MACROD2: variants seen among roughly 807,000 people sequenced by gnomAD.
MACROD2 encodes the protein ADP-ribose glycohydrolase MACROD2.
MACROD2 carries 36 observed loss-of-function variants against 70.4 expected under a neutral mutation model. The ratio of observed to expected loss-of-function variants is 0.51; its 90% CI spans 0.39 to 0.68. The LOEUF (loss-of-function observed/expected upper bound fraction) is 0.68, where lower values mean the gene tolerates loss of function less well. Among genes scored for constraint, MACROD2 ranks in the 30% least tolerant of loss-of-function variants. MACROD2 has a pLI of 0.00. For synonymous variants in MACROD2, 172 were observed against 178.8 expected (o/e 0.96, Z 0.30); for missense variants, 496 against 538.4 (o/e 0.92, Z 0.78).
chr20:14,607,527 C>T (rs986833522), intron 4 of MACROD2, among the ~76,000 whole-genome samples: 6 of 152,158 alleles, frequency 3.9e-5, no homozygotes, highest in Non-Finnish European at 8.8e-5. Flanking sequence ...TGCTCAATAA[C>T]GAGGATGCAA....
chr20:15,023,989 G>A (rs2075210500), intron 5 of MACROD2, among the ~76,000 whole-genome samples: 1 of 152,128 alleles, frequency 6.6e-6, no homozygotes, highest in African/African-American at 2.4e-5. Context: ...TAACATGTGA[G>A]TGTTCAATAA....
intron 8 of MACROD2, among the ~76,000 whole-genome samples, chr20:15,543,885 A>G (rs1217957388): frequency 2.0e-5 from 3 of 152,192 alleles, no homozygotes; most frequent in Admixed American, 2.0e-4. Flanking sequence ...TGTTCTTCTC[A>G]TGGTAGAGGT....
chr20:14,101,003 C>T (rs1367216285), intron 3 of MACROD2, among the ~76,000 whole-genome samples: 1 of 150,426 alleles, frequency 6.6e-6, no homozygotes, highest in African/African-American at 2.4e-5. Context: ...TATCTTTTCC[C>T]CCTGATATTT....
At chr20:14,253,812 A>G (rs2082031324) in intron 3 of MACROD2, among the ~76,000 whole-genome samples, 1 of 152,142 alleles carries the variant, frequency 6.6e-6, no homozygotes, top group South Asian at 2.1e-4. Context: ...AAGAAATACA[A>G]ATACTTTCCC....
At chr20:15,810,178 T>C (rs2063806041) in intron 8 of MACROD2, among the ~76,000 whole-genome samples, 1 of 152,008 alleles carries the variant, frequency 6.6e-6, no homozygotes, top group South Asian at 2.1e-4. Context: ...TCCATGTCCC[T>C]ACAAAGGATA....
chr20:16,037,460 C>T (rs2067250883), intron 15 of MACROD2, among the ~76,000 whole-genome samples: 1 of 151,738 alleles, frequency 6.6e-6, no homozygotes, highest in Non-Finnish European at 1.5e-5. Flanking sequence ...GAAACAAGGA[C>T]CCTAAGAAAA....
intron 5 of MACROD2, among the ~76,000 whole-genome samples, chr20:15,142,853 A>G (rs1297630579): frequency 6.6e-6 from 1 of 152,062 alleles, no homozygotes; most frequent in Non-Finnish European, 1.5e-5. Context: ...ATCATTTTTT[A>G]TGGCTGCATA....
chr20:15,857,772 A>C (rs1034326112), intron 8 of MACROD2, among the ~76,000 whole-genome samples: 2 of 152,212 alleles, frequency 1.3e-5, no homozygotes, highest in African/African-American at 4.8e-5. Context: ...AAAACTATAG[A>C]GATGAGATAA....
intron 7 of MACROD2, among the ~76,000 whole-genome samples, chr20:15,436,046 T>A (rs1401469746): frequency 6.6e-6 from 1 of 152,160 alleles, no homozygotes; most frequent in South Asian, 2.1e-4. Context: ...TTTTGGTTAG[T>A]CCCCCTGGGG....
chr20:15,647,707 GAGAGACAAT>G (rs556689141), intron 8 of MACROD2, among the ~76,000 whole-genome samples: 196 of 149,300 alleles, frequency 1.3e-3, no homozygotes, highest in Non-Finnish European at 2.3e-3. Flanking sequence ...GTAAGTAATG[GAGAGACAAT>G]AGATGATTTT....
intron 8 of MACROD2, among the ~76,000 whole-genome samples, chr20:15,701,550 C>A (rs6034266): frequency 0.24 from 36,046 of 152,090 alleles, 5,117 homozygotes; most frequent in African/African-American, 0.41. Flanking sequence ...CTAAACTATT[C>A]TTTTCCTCTC....
intron 3 of MACROD2, among the ~76,000 whole-genome samples, chr20:14,387,421 A>G (rs1339234878): frequency 1.3e-5 from 2 of 152,118 alleles, no homozygotes; most frequent in African/African-American, 4.8e-5. Context: ...TCTCTGTTCC[A>G]TTATTTTTGC....
chr20:14,945,898 C>T (rs1321561628), intron 5 of MACROD2, among the ~76,000 whole-genome samples: 1 of 152,160 alleles, frequency 6.6e-6, no homozygotes, highest in East Asian at 1.9e-4. Flanking sequence ...AATTTATCTG[C>T]ATTTTAGTAA....
intron 3 of MACROD2, among the ~76,000 whole-genome samples, chr20:14,460,060 C>CT (rs1049243500): frequency 6.6e-6 from 1 of 152,036 alleles, no homozygotes; most frequent in Non-Finnish European, 1.5e-5. Flanking sequence ...TGAACTCATC[C>CT]TTTTTTATGG....
chr20:14,306,891 A>G (rs1001716674), intron 3 of MACROD2, among the ~76,000 whole-genome samples: 1 of 152,090 alleles, frequency 6.6e-6, no homozygotes, highest in Non-Finnish European at 1.5e-5. Context: ...TAATTAAGCT[A>G]GAGGAGCAAA....
chr20:14,254,627 G>A (rs986262540), intron 3 of MACROD2, among the ~76,000 whole-genome samples: 6 of 151,988 alleles, frequency 3.9e-5, no homozygotes, highest in Admixed American at 2.6e-4. Context: ...ACATTTCCAC[G>A]AAATAGTTTT....
intron 5 of MACROD2, among the ~76,000 whole-genome samples, chr20:15,059,379 T>A (rs570895273): frequency 0.044 from 955 of 21,518 alleles, 9 homozygotes; most frequent in African/African-American, 0.15. Context: ...AGCAAGACTT[T>A]GTCTCAAAAA....
At position 14,559,033 on chromosome 20, in the gene MACROD2, C is replaced by T. The variant is rs148185170; in HGVS notation, c.301+65525C>T. Among the ~76,000 whole-genome samples, 980 of 151,770 alleles carry T rather than the reference C, an allele frequency of 6.5e-3. 6 individuals are homozygous for T. Among genetic ancestry groups the T allele is most frequent in the Non-Finnish European group, 7.9e-3 (533 of 67,740 alleles). ...ATTTAATTCCATGAGTTGTAACGTTCTTGATACCATATTTGTTCTAAAGCA... is the reference window on the plus strand; with the variant it reads ...ATTTAATTCCATGAGTTGTAACGTTTTTGATACCATATTTGTTCTAAAGCA... On this transcript the variant is annotated intron_variant, in intron 4 of 17. Transcript: ENST00000684519.
chr20:14,176,426 A>C (rs139203867), intron 3 of MACROD2, among the ~76,000 whole-genome samples: 1 of 152,318 alleles, frequency 6.6e-6, no homozygotes, highest in Non-Finnish European at 1.5e-5. Context: ...CATAAAGTGA[A>C]ATGTGCTCTC....
Sources: allele counts gnomAD v4.1 joint callset (sites outside exome capture counted in the v4.1 genomes callset), GRCh38; gene constraint gnomAD v4.1.1; transcripts MANE v1.5; gene names NCBI Gene and HGNC (gene_info 2026-07-23, HGNC 2026-07-21).